The following PLD4 variants were observed in gnomAD, a reference collection of about 807,000 sequenced individuals.
PLD4 encodes phospholipase D family member 4.
PLD4 carries 54 observed loss-of-function variants against 52.3 expected under a neutral mutation model. That is an observed-to-expected ratio of 1.03 (90% CI 0.83 to 1.30). PLD4 has a LOEUF of 1.30. Among genes scored for constraint, PLD4 ranks in the 50% most tolerant of loss-of-function variants. The pLI is 0.00. For synonymous variants in PLD4, 264 were observed against 286.5 expected, an observed-to-expected ratio of 0.92 and a Z score of 0.79; for missense variants, 731 against 671.1, an observed-to-expected ratio of 1.09 and a Z score of -0.99.
intron 2 of PLD4, 152 bp downstream of exon 2, chr14:104,927,382 C>T (rs1897491787): frequency 2.7e-6 from 2 of 748,782 alleles, no homozygotes; most frequent in Non-Finnish European, 2.1e-6. Flanking sequence ...CTGGGCTGCT[C>T]CAGACCTTCC....
intron 1 of PLD4, among the ~76,000 whole-genome samples, chr14:104,925,849 G>A (rs1897438083): frequency 6.6e-6 from 1 of 152,086 alleles, no homozygotes; most frequent in East Asian, 1.9e-4. Flanking sequence ...CCCAGCGTGG[G>A]GGGAGTTGGG....
At chr14:104,931,656 C>T (rs1897647570) in intron 7 of PLD4, 92 bp from the exon 8 acceptor site, 2 of 1,466,220 alleles carry the variant, frequency 1.4e-6, no homozygotes, top group South Asian at 1.3e-5. Context: ...CCCTCCACAC[C>T]ACATGGGGCC....
Position 104,927,812 on chromosome 14 carries a change from G to A in PLD4, c.230G>A (p.Ser77Asn), listed in dbSNP as rs1897508731. The A allele has an allele frequency of 6.3e-7, 1 of 1,593,418 alleles. No homozygotes were observed. The highest frequency in any genetic ancestry group is 1.7e-5 in the Admixed American group (1 of 59,098). Residue 77 changes from serine to asparagine, a missense_variant, in exon 3 of 11, where the codon AGC (serine) becomes AAC (asparagine). By Grantham distance (46) the Ser-to-Asn change is conservative. Coordinates refer to ENST00000392593, the MANE Select transcript of PLD4 (RefSeq NM_138790.5). ...CCCAGGTCCTGGGAGCATGGCTCCAGCCCAGCTTGGGAGCCCCTGGAAGCA... is the reference window on the plus strand; with the variant it reads ...CCCAGGTCCTGGGAGCATGGCTCCAACCCAGCTTGGGAGCCCCTGGAAGCA... ...DVPRSWEHGS[S>N]PAWEPLEAEA... is the part of the protein sequence containing the mutation.
At position 104,931,019 on chromosome 14, in the gene PLD4, G is replaced by A; in HGVS notation, c.918+77G>A. The A allele has an allele frequency of 2.6e-6, 4 of 1,516,934 alleles. No individual in the cohort carries two copies. The South Asian group carries it at 3.4e-5, about 13-fold the overall frequency. The allele number at this position is 1,516,934 out of a possible 1,614,324, so 94.0% of individuals were successfully genotyped here. A position where few individuals can be genotyped will look rare whatever the true frequency, so the allele number is the denominator to read the frequency against. On this transcript the variant is annotated intron_variant, in intron 7 of 10. Transcript: ENST00000392593. ...GGCCAGACCCACAGGGAGCCCTCTG[G>A]GCTGGCCCTGCAGACACCAGCAGCA...
Position 104,932,504 on chromosome 14 carries a change from GCCACC to G in PLD4, c.1321+151_1321+155del. 1 of 954,090 alleles carries G rather than the reference GCCACC, an allele frequency of 1.0e-6. No homozygotes were observed. The highest frequency in any genetic ancestry group is 1.5e-6 in the Non-Finnish European group (1 of 647,346). The allele number at this position is 954,090 out of a possible 1,614,324, so 59.1% of individuals were successfully genotyped here. A position where few individuals can be genotyped will look rare whatever the true frequency, so the allele number is the denominator to read the frequency against. On this transcript the variant is annotated intron_variant, in intron 10 of 10. Transcript: ENST00000392593. This position sits in a 1 kb window ranked among gnomAD's most constrained non-coding sequence, Gnocchi z 6.5. ...GTCTCCATGGAGTTCCGGGGACCAG[GCCACC>G]CGCCTGTCACCTGGCCCCACAGGGC...
At position 104,928,902 on chromosome 14, in the gene PLD4, C is replaced by T; in HGVS notation, c.438C>T (p.Asp146=). 1 of 1,606,364 alleles carries T rather than the reference C, an allele frequency of 6.2e-7. No individual in the cohort carries two copies. The highest frequency in any genetic ancestry group is 2.2e-5 in the East Asian group (1 of 44,626). ...ASYYWSLTGP[D]IGVNDSSSQL... ...ACTACTGGTCCCTCACAGGGCCTGA[C>T]ATCGGGGTCAACGACTCGTCTTCCC... is the stretch of plus-strand genomic sequence containing the variant. The change falls in exon 4 of 11, where the codon GAC becomes GAT. Residue 146 remains aspartate, a synonymous_variant. Coordinates refer to ENST00000392593, the MANE Select transcript of PLD4 (RefSeq NM_138790.5).
downstream of PLD4, chr14:104,933,909 A>G (rs1378224419): frequency 1.3e-4 from 2 of 15,152 alleles, no homozygotes; most frequent in Admixed American, 8.0e-4. Flanking sequence ...GGCTGAGGGG[A>G]CCGGGAGGGC....
In PLD4 at chr14:104,927,209, G is replaced by C. The variant is rs188491427; in HGVS notation, c.69G>C (p.Pro23=). ...TWPCSMPPRR[P]WDREAGTLQV... Reference sequence around the variant, plus strand: ...CATGCTCCATGCCGCCCCGCCGCCCGTGGGACAGAGAGGCTGGCACGGTAG... The same window carrying C: ...CATGCTCCATGCCGCCCCGCCGCCCCTGGGACAGAGAGGCTGGCACGGTAG... Residue 23 remains proline, a synonymous_variant, in exon 2 of 11, where the codon CCG becomes CCC. Coordinates refer to ENST00000392593, the MANE Select transcript of PLD4 (RefSeq NM_138790.5). 5.8e-6 allele frequency: 9 copies of C among 1,556,678 alleles called. No individual in the cohort carries two copies. The highest frequency in any genetic ancestry group is 6.1e-6 in the Non-Finnish European group (7 of 1,150,726).
chr14:104,927,655 G>A lies in PLD4; in HGVS notation c.91-18G>A, dbSNP rs766106331. 33 of 1,554,890 alleles carry A rather than the reference G, an allele frequency of 2.1e-5. No homozygotes were observed. The African/African-American group carries it at 2.7e-4, about 13-fold the overall frequency. On this transcript the variant is annotated intron_variant, in intron 2 of 10. Coordinates refer to ENST00000392593, the MANE Select transcript of PLD4 (RefSeq NM_138790.5). ...GCCCCGCCCTGTCTGGTGACCCTGC[G>A]GGTGCTGCCCCATCCAGTTGCAGGT...
At position 104,933,038 on chromosome 14, in the gene PLD4, C is replaced by T. The variant is rs911025951; in HGVS notation, c.*74C>T. ...CTCTGACCCCGGCCTGGGCTTCAGC[C>T]GCTTCCTCCCGCAAGCAGCCCGGGT... On this transcript the variant is annotated 3_prime_UTR_variant, in exon 11 of 11. Transcript: ENST00000392593. 2 of 1,435,620 alleles carry T rather than the reference C, an allele frequency of 1.4e-6. No individual in the cohort carries two copies. The highest frequency in any genetic ancestry group is 1.4e-5 in the South Asian group (1 of 71,314). The allele number at this position is 1,435,620 out of a possible 1,614,324, so 88.9% of individuals were successfully genotyped here.
intron 1 of PLD4, among the ~76,000 whole-genome samples, 165 bp downstream of exon 1, chr14:104,925,155 T>G (rs1199932656): frequency 2.6e-5 from 4 of 152,248 alleles, no homozygotes; most frequent in African/African-American, 9.6e-5. Context: ...TCCGTGCAGC[T>G]GGGATAAGCT....
intron 7 of PLD4, among the ~76,000 whole-genome samples, chr14:104,931,224 G>A (rs1253352442): frequency 6.6e-6 from 1 of 152,228 alleles, no homozygotes; most frequent in Non-Finnish European, 1.5e-5. Flanking sequence ...GGAGGACCTG[G>A]GGCCCTGGGA....
rs752275930 is a variant in PLD4 at position 104,927,895 on chromosome 14, G to C, written c.284+29G>C. On this transcript the variant is annotated intron_variant, in intron 3 of 10. Transcript: ENST00000392593. ...AGTGAGCCCATGGAGGCCTGCGGGGGCAGGTCTCAGTTTGGGGCTGCTGCC... is the reference window on the plus strand; with the variant it reads ...AGTGAGCCCATGGAGGCCTGCGGGGCCAGGTCTCAGTTTGGGGCTGCTGCC... 6 of 1,520,218 alleles carry C rather than the reference G, an allele frequency of 3.9e-6. No homozygotes were observed. In the South Asian group the frequency reaches 6.0e-5, roughly 15 times the overall value. The allele number at this position is 1,520,218 out of a possible 1,614,324, so 94.2% of individuals were successfully genotyped here. A position where few individuals can be genotyped will look rare whatever the true frequency, so the allele number is the denominator to read the frequency against.
chr14:104,931,974 C>T lies in PLD4; in HGVS notation c.1059-38C>T, dbSNP rs116640235. 851 of 1,538,856 alleles carry T rather than the reference C, an allele frequency of 5.5e-4. 5 individuals are homozygous for T. In the African/African-American group the frequency reaches 0.01, roughly 18 times the overall value. Reference sequence around the variant, plus strand: ...CTCCTGCTGGGACCCCTATCGGGCCCGGCTTGTAAGCAGAGCCCCGTCCCT... The same window carrying T: ...CTCCTGCTGGGACCCCTATCGGGCCTGGCTTGTAAGCAGAGCCCCGTCCCT... On this transcript the variant is annotated intron_variant, in intron 8 of 10. Coordinates refer to ENST00000392593, the MANE Select transcript of PLD4 (RefSeq NM_138790.5).
chr14:104,932,144 C>T lies in PLD4; in HGVS notation c.1191C>T (p.Leu397=), dbSNP rs759019260. 2.5e-5 allele frequency: 40 copies of T among 1,611,236 alleles called. No individual in the cohort carries two copies. The highest frequency in any genetic ancestry group is 3.1e-5 in the Non-Finnish European group (37 of 1,179,154). The change falls in exon 9 of 11, where the codon CTC becomes CTT. Residue 397 remains leucine, a synonymous_variant. Transcript: ENST00000392593. The surrounding 1 kb of genome is among the most constrained non-coding windows in gnomAD (Gnocchi z 6.5). ...MFPYLRSLQA[L]SNPAANVSVD... ...CCTACCTGCGGTCCCTGCAGGCGCT[C>T]AGCAACCCCGCGGCCAACGTCTCTG...
Position 104,933,085 on chromosome 14 carries a change from C to A in PLD4, c.*121C>A. On this transcript the variant is annotated 3_prime_UTR_variant, in exon 11 of 11. Transcript: ENST00000392593. ...GGGTCCGCACTGCGCCAGGAGCCGC[C>A]TGCGACCGCCCGGGCGTCGCAAACC... The A allele has an allele frequency of 8.3e-7, 1 of 1,205,414 alleles. No homozygotes were observed. Among genetic ancestry groups the A allele is most frequent in the Non-Finnish European group, 1.1e-6 (1 of 909,318 alleles). The allele number at this position is 1,205,414 out of a possible 1,614,324, so 74.7% of individuals were successfully genotyped here. A position where few individuals can be genotyped will look rare whatever the true frequency, so the allele number is the denominator to read the frequency against.
intron 2 of PLD4, among the ~76,000 whole-genome samples, 153 bp from the exon 3 acceptor site, chr14:104,927,520 C>T (rs1049600532): frequency 6.6e-6 from 1 of 152,208 alleles, no homozygotes; most frequent in African/African-American, 2.4e-5. Flanking sequence ...ATCACCCTCC[C>T]CTCTCCCTTG....
intron 3 of PLD4, among the ~76,000 whole-genome samples, 199 bp downstream of exon 3, chr14:104,928,065 A>C (rs1460553755): frequency 6.6e-6 from 1 of 152,044 alleles, no homozygotes; most frequent in Non-Finnish European, 1.5e-5. Flanking sequence ...TGCTTTTTGC[A>C]GCAAACAGAG....
chr14:104,927,262 C>T (rs1398607911), intron 2 of PLD4, 32 bp downstream of exon 2: 2 of 1,502,268 alleles, frequency 1.3e-6, no homozygotes, highest in Non-Finnish European at 9.0e-7. Flanking sequence ...GGGGAGGTGG[C>T]TGGGATCAAT....
Sources: gnomAD v4.1 joint callset for allele counts (sites outside exome capture counted in the v4.1 genomes callset) on GRCh38, gnomAD v4.1.1 for gene constraint, Gnocchi (gnomAD v3.1) non-coding constraint, MANE v1.5 for transcripts, NCBI Gene and HGNC (gene_info 2026-07-23, HGNC 2026-07-21) for gene names.